Variants in WDR7 observed in about 807,000 individuals in gnomAD.
The protein encoded by WDR7 is WD repeat-containing protein 7.
Under a neutral mutation model 169.4 loss-of-function variants are expected in WDR7, and 46 were observed. That is an observed-to-expected ratio of 0.27 (90% confidence interval 0.21 to 0.35). WDR7 has a LOEUF of 0.35. WDR7 is among the 10% of genes least tolerant of loss of function. The pLI, the probability that WDR7 is intolerant of heterozygous loss-of-function variation, is 1.00. For missense variants in WDR7, 1,534 were observed against 1,859.3 expected (o/e 0.83, Z 3.22); for synonymous variants, 612 against 666.8 (o/e 0.92, Z 1.27).
At chr18:56,849,391 T>C (rs1188873599) in intron 20 of WDR7, among the ~76,000 whole-genome samples, 1 of 152,238 alleles carries the variant, frequency 6.6e-6, no homozygotes, top group African/African-American at 2.4e-5. Flanking sequence ...CTTTTGCTGC[T>C]CATTTCTTAA....
At chr18:56,980,431 C>T (rs1365269258) in intron 26 of WDR7, among the ~76,000 whole-genome samples, 1 of 152,134 alleles carries the variant, frequency 6.6e-6, no homozygotes, top group Non-Finnish European at 1.5e-5. Flanking sequence ...TTCATCCACT[C>T]ATTCATTTAA....
chr18:56,803,055 CTT>C (rs1375838453), intron 19 of WDR7, among the ~76,000 whole-genome samples: 1 of 151,994 alleles, frequency 6.6e-6, no homozygotes, highest in Non-Finnish European at 1.5e-5. Context: ...CTTAATGTAT[CTT>C]ATTAGTTTTG....
rs558053242 is a variant in WDR7 at position 57,019,858 on chromosome 18, G to A, written c.4165-887G>A. Among the ~76,000 whole-genome samples, 3 of 152,212 alleles carry A rather than the reference G, an allele frequency of 2.0e-5. No individual in the cohort carries two copies. In the East Asian group the frequency reaches 5.8e-4, roughly 29 times the overall value. ...ATTTCCTATTCCTTTCTAGACAAAG[G>A]GAGGAGACCAACCTACAGCTTGTAA... On this transcript the variant is annotated intron_variant, in intron 26 of 27. Coordinates refer to ENST00000254442, the MANE Select transcript of WDR7 (RefSeq NM_015285.3).
At position 56,756,983 on chromosome 18, in the gene WDR7, T is replaced by C; in HGVS notation, c.2390T>C (p.Met797Thr). The change falls in exon 15 of 28, where the codon ATG becomes ACG. Residue 797 changes from methionine to threonine, a missense_variant. Met to Thr is a moderately conservative substitution (Grantham distance 81, BLOSUM62 -1). Transcript: ENST00000254442. Reference sequence around the variant, plus strand: ...ACCCTATTAGAATATAATTTAACTATGGACACTGCAAAGCTGTTTATGTCC... The same window carrying C: ...ACCCTATTAGAATATAATTTAACTACGGACACTGCAAAGCTGTTTATGTCC... ...PLTLLEYNLTMDTAKLFMSCL... is the reference protein window; with the variant it reads ...PLTLLEYNLTTDTAKLFMSCL... 6.2e-7 allele frequency: 1 copy of C among 1,614,140 alleles called. No individual in the cohort carries two copies. The highest frequency in any genetic ancestry group is 8.5e-7 in the Non-Finnish European group (1 of 1,180,016).
Position 56,880,122 on chromosome 18 carries a change from G to T in WDR7, c.3483G>T (p.Gly1161=). Residue 1161 remains glycine (G), a synonymous_variant, in exon 21 of 28, where the codon GGG becomes GGT. Transcript: ENST00000254442. ...RSSSQIPEGF[G]LTSGGSNYSL... Reference sequence around the variant, plus strand: ...CTAGCCAAATTCCTGAGGGATTCGGGTTGACTAGTGGTGGATCCAACTACT... The same window carrying T: ...CTAGCCAAATTCCTGAGGGATTCGGTTTGACTAGTGGTGGATCCAACTACT... 1 of 1,614,022 alleles carries T rather than the reference G, an allele frequency of 6.2e-7. No individual in the cohort carries two copies. The highest frequency in any genetic ancestry group is 8.5e-7 in the Non-Finnish European group (1 of 1,179,950).
intron 21 of WDR7, among the ~76,000 whole-genome samples, chr18:56,905,623 CTA>C (rs10563010): frequency 0.79 from 115,702 of 146,974 alleles, 46,179 homozygotes; most frequent in East Asian, 0.98. Flanking sequence ...TATTATGAAA[CTA>C]TATATATATA....
In WDR7 at chr18:56,945,644, TG is replaced by T. The variant is rs745434561; in HGVS notation, c.4064+6255del. ...AGAGTACTTGCTCCCTGTCAGGCAC[TG>T]GGGAGAAGAATGATCTCAGAGTACT... On this transcript the variant is annotated intron_variant, in intron 25 of 27. Coordinates refer to ENST00000254442, the MANE Select transcript of WDR7 (RefSeq NM_015285.3). 9.2e-5 allele frequency among the ~76,000 whole-genome samples: 14 copies of T among 152,256 alleles called. No homozygotes were observed. The East Asian group carries it at 2.7e-3, about 29-fold the overall frequency.
At chr18:56,793,236 A>G (rs1419340655) in intron 19 of WDR7, among the ~76,000 whole-genome samples, 1 of 152,226 alleles carries the variant, frequency 6.6e-6, no homozygotes, top group Non-Finnish European at 1.5e-5. Context: ...CCTATCAGAC[A>G]TGGATTGGCC....
intron 17 of WDR7, among the ~76,000 whole-genome samples, chr18:56,778,802 G>T (rs1412204843): frequency 1.3e-5 from 2 of 152,096 alleles, no homozygotes; most frequent in Non-Finnish European, 2.9e-5. Context: ...ATTTTGAATT[G>T]TTAGGTTTTT....
chr18:56,980,941 T>C (rs2047636063), intron 26 of WDR7, among the ~76,000 whole-genome samples: 1 of 152,172 alleles, frequency 6.6e-6, no homozygotes, highest in African/African-American at 2.4e-5. Flanking sequence ...TCATGAAGGG[T>C]TCTGAGCAAG....
chr18:56,951,192 A>G (rs1599185882), intron 25 of WDR7, among the ~76,000 whole-genome samples: 2 of 152,140 alleles, frequency 1.3e-5, no homozygotes, highest in Non-Finnish European at 2.9e-5. Context: ...ACAGAATTCT[A>G]TAATCTTCAC....
At chr18:56,734,785 A>G (rs1481014472) in intron 14 of WDR7, among the ~76,000 whole-genome samples, 2 of 152,032 alleles carry the variant, frequency 1.3e-5, no homozygotes, top group Non-Finnish European at 2.9e-5. Flanking sequence ...TGTCTTCCCT[A>G]CTAGATTTTA....
At chr18:56,727,725 C>G (rs2026491639) in intron 13 of WDR7, among the ~76,000 whole-genome samples, 1 of 152,146 alleles carries the variant, frequency 6.6e-6, no homozygotes, top group Admixed American at 6.5e-5. Context: ...ACCATATCAG[C>G]CTCTTTATTA....
At chr18:56,671,853 A>G (rs1263441487) in intron 1 of WDR7, among the ~76,000 whole-genome samples, 1 of 152,220 alleles carries the variant, frequency 6.6e-6, no homozygotes, top group Non-Finnish European at 1.5e-5. Flanking sequence ...ACTTACATTT[A>G]TACACACACA....
chr18:56,906,971 T>C (rs1384409076), intron 21 of WDR7, among the ~76,000 whole-genome samples: 1 of 152,226 alleles, frequency 6.6e-6, no homozygotes, highest in African/African-American at 2.4e-5. Context: ...AGGTCTGCAG[T>C]GGAGCTAAGA....
chr18:56,755,143 TTGTATC>T (rs2043865045), intron 14 of WDR7, among the ~76,000 whole-genome samples: 1 of 152,126 alleles, frequency 6.6e-6, no homozygotes, highest in South Asian at 2.1e-4. Flanking sequence ...TAAGAAATGT[TTGTATC>T]TGTTACAACT....
At chr18:56,929,644 C>T (rs542322718) in intron 22 of WDR7, among the ~76,000 whole-genome samples, 6 of 152,264 alleles carry the variant, frequency 3.9e-5, no homozygotes, top group East Asian at 1.9e-4. Flanking sequence ...ACGGCTATGC[C>T]ACCCTTAATA....
intron 13 of WDR7, among the ~76,000 whole-genome samples, chr18:56,726,286 A>G (rs920448715): frequency 3.3e-5 from 5 of 152,208 alleles, no homozygotes; most frequent in African/African-American, 1.2e-4. Context: ...ATCTATGAGC[A>G]TGGAATGTTC....
chr18:56,939,192 A>G (rs1457220940), intron 24 of WDR7, 119 bp from the exon 25 acceptor site: 6 of 620,186 alleles, frequency 9.7e-6, no homozygotes, highest in South Asian at 3.6e-5. Flanking sequence ...TTTTTATTTT[A>G]AATACTAAAA....
Sources: allele counts gnomAD v4.1 joint callset (sites outside exome capture counted in the v4.1 genomes callset), GRCh38; gene constraint gnomAD v4.1.1; transcripts MANE v1.5; gene names NCBI Gene and HGNC (gene_info 2026-07-23, HGNC 2026-07-21).